Variants in ITSN2 observed in about 807,000 individuals in gnomAD.
The protein encoded by ITSN2 is intersectin 2, also known as intersectin-2.
In ITSN2, 156 loss-of-function variants were observed where a neutral mutation model predicts 243.7. That is an observed-to-expected ratio of 0.64 (90% confidence interval 0.56 to 0.73). ITSN2 has a LOEUF of 0.73. Ranked by LOEUF, ITSN2 falls within the 30% of genes least tolerant of loss-of-function variation. ITSN2 has a pLI of 0.00. For synonymous variants in ITSN2, 703 were observed against 699.9 expected, an observed-to-expected ratio of 1.00 and a Z score of -0.07; for missense variants, 1,801 against 1,996.1, an observed-to-expected ratio of 0.90 and a Z score of 1.86.
chr2:24,221,989 T>G (rs565903675), intron 29 of ITSN2, among the ~76,000 whole-genome samples: 23 of 152,144 alleles, frequency 1.5e-4, no homozygotes, highest in Non-Finnish European at 3.4e-4. Flanking sequence ...GCTCACACCT[T>G]TGGGAGTAAT....
intron 3 of ITSN2, 78 bp from the exon 4 acceptor site, chr2:24,313,601 A>C (rs914953648): frequency 2.2e-6 from 2 of 916,352 alleles, no homozygotes; most frequent in East Asian, 5.1e-5. Context: ...AATAATGGGT[A>C]TATGTTAATG....
At chr2:24,343,022 T>A (rs1481596988) in intron 1 of ITSN2, among the ~76,000 whole-genome samples, 2 of 148,552 alleles carry the variant, frequency 1.3e-5, no homozygotes, top group Non-Finnish European at 3.0e-5. Flanking sequence ...GTCTGTAAGA[T>A]GGGGGTTGCA....
At position 24,261,137 on chromosome 2, in the gene ITSN2, G is replaced by A. The variant is rs1294806839; in HGVS notation, c.2651C>T (p.Ser884Phe). The change falls in exon 22 of 40, where the codon TCC becomes TTC. Residue 884 changes from serine to phenylalanine, a missense_variant. By Grantham distance (155) the Ser-to-Phe change is radical. Transcript: ENST00000355123. The stretch of plus-strand genomic sequence containing the variant: ...ATGAATAGGTGATACAGATCCAGGG[G>A]ACACAGTTCGAGTGAAGGCTGATTT... ...QKKSAFTRTV[S>F]PGSVSPIHGQ... The A allele has an allele frequency of 2.5e-6, 4 of 1,613,882 alleles. No homozygotes were observed. Among genetic ancestry groups the A allele is most frequent in the Non-Finnish European group, 3.4e-6 (4 of 1,179,846 alleles).
intron 29 of ITSN2, among the ~76,000 whole-genome samples, chr2:24,230,489 T>G (rs1015664097): frequency 7.2e-5 from 11 of 152,166 alleles, no homozygotes; most frequent in African/African-American, 2.7e-4. Context: ...AACCCTTGGC[T>G]GGGTGCGGTG....
intron 1 of ITSN2, among the ~76,000 whole-genome samples, chr2:24,354,954 C>T (rs922342957): frequency 6.6e-6 from 1 of 152,160 alleles, no homozygotes; most frequent in African/African-American, 2.4e-5. Flanking sequence ...TTTAAGTGAA[C>T]CTTTTGAAAC....
intron 29 of ITSN2, among the ~76,000 whole-genome samples, chr2:24,223,926 T>C (rs955239856): frequency 1.3e-5 from 2 of 152,216 alleles, no homozygotes; most frequent in East Asian, 1.9e-4. Context: ...ATAATGCCAC[T>C]GTCATGTTCA....
intron 1 of ITSN2, among the ~76,000 whole-genome samples, chr2:24,333,980 C>T (rs1686066973): frequency 1.3e-5 from 2 of 152,202 alleles, no homozygotes; most frequent in Non-Finnish European, 2.9e-5. Flanking sequence ...ACCTCCACTT[C>T]CTGGGTTCAA....
At chr2:24,298,869 C>G in intron 12 of ITSN2, 55 bp from the exon 13 acceptor site, 2 of 1,507,922 alleles carry the variant, frequency 1.3e-6, no homozygotes, top group South Asian at 1.3e-5. Context: ...TTGCACGATT[C>G]AAAAACTGGG....
chr2:24,341,721 C>T (rs910555930), intron 1 of ITSN2, among the ~76,000 whole-genome samples: 2 of 152,146 alleles, frequency 1.3e-5, no homozygotes, highest in Middle Eastern at 3.4e-3. Context: ...ATTAAAAATA[C>T]AAAAATGCGC....
In ITSN2 at chr2:24,312,352, T is replaced by A; in HGVS notation, c.212A>T (p.Asp71Val). 1.2e-6 allele frequency: 2 copies of A among 1,611,748 alleles called. No homozygotes were observed. The highest frequency in any genetic ancestry group is 1.7e-6 in the Non-Finnish European group (2 of 1,178,720). The stretch of plus-strand genomic sequence containing the variant: ...GAACTCTTGCTGATCCATCTTCCCA[T>A]CCTTGTTTAGGTCTGATAAAGCCCT... ...EIWALSDLNK[D>V]GKMDQQEFSI... Residue 71 changes from aspartate (D) to valine (V), a missense_variant, in exon 5 of 40, where the codon GAT becomes GTT. This residue lies in a region of ITSN2 where 77 missense variants were observed against 90.1 expected (regional missense o/e 0.85). Transcript: ENST00000355123.
In ITSN2 at chr2:24,313,571, T is replaced by C. The variant is rs763159326; in HGVS notation, c.125-48A>G. 16 of 1,338,600 alleles carry C rather than the reference T, an allele frequency of 1.2e-5. No individual in the cohort carries two copies. In the East Asian group the frequency reaches 3.7e-4, roughly 31 times the overall value. 82.9% of individuals were successfully genotyped at this position (1,338,600 alleles called of 1,614,324 possible). On this transcript the variant is annotated intron_variant, in intron 3 of 39. Coordinates refer to ENST00000355123, the MANE Select transcript of ITSN2 (RefSeq NM_006277.3). Reference sequence around the variant, plus strand: ...CCAAGCAGCACATTAGTAAATGAAATTATTCCAATGCTTCTGAATAATAAT... The same window carrying C: ...CCAAGCAGCACATTAGTAAATGAAACTATTCCAATGCTTCTGAATAATAAT...
In ITSN2 at chr2:24,209,123, G is replaced by A; in HGVS notation, c.4572C>T (p.Leu1524=). The A allele has an allele frequency of 6.2e-7, 1 of 1,614,130 alleles. No individual in the cohort carries two copies. Among genetic ancestry groups the A allele is most frequent in the Non-Finnish European group, 8.5e-7 (1 of 1,179,988 alleles). Residue 1524 remains leucine, a synonymous_variant, in exon 36 of 40, where the codon CTC becomes CTT. Transcript: ENST00000355123. ...HISHIDRVYT[L]RTDNINERTA... ...ACCTCTCATTAATGTTGTCTGTTCG[G>A]AGGGTGTAGACCCGATCAATGTGGG... is the stretch of plus-strand genomic sequence containing the variant.
Position 24,249,255 on chromosome 2 carries a change from G to C in ITSN2, c.3121-373C>G, listed in dbSNP as rs914394842. 1.3e-4 allele frequency among the ~76,000 whole-genome samples: 20 copies of C among 152,164 alleles called. No homozygotes were observed. The highest frequency in any genetic ancestry group is 4.8e-4 in the African/African-American group (20 of 41,436). ...AACATATGTGTCCTGGATATGTCAA[G>C]GTATACGTTATTTTGCTCCTGCTTT... is the stretch of plus-strand genomic sequence containing the variant. On this transcript the variant is annotated intron_variant, in intron 25 of 39. Coordinates refer to ENST00000355123, the MANE Select transcript of ITSN2 (RefSeq NM_006277.3). The surrounding 1 kb of genome is among the most constrained non-coding windows in gnomAD (Gnocchi z 4.4).
At chr2:24,346,695 C>T (rs2551140) in intron 1 of ITSN2, among the ~76,000 whole-genome samples, 148,776 of 152,136 alleles carry the variant, frequency 0.98, 72,742 homozygotes, top group East Asian at 0.99. Context: ...CTCTGTTCTA[C>T]TCGCTCCATT....
chr2:24,284,737 A>C (rs1371577991), intron 17 of ITSN2, 26 bp downstream of exon 17: 1 of 1,373,350 alleles, frequency 7.3e-7, no homozygotes, highest in Non-Finnish European at 1.0e-6. Flanking sequence ...AACTCAAAGA[A>C]AAGAAGCTAG....
At chr2:24,239,435 CTA>C (rs1368984302) in intron 29 of ITSN2, 16 of 151,838 alleles carry the variant, frequency 1.1e-4, no homozygotes, top group African/African-American at 3.9e-4. Flanking sequence ...TTTAGAGAAA[CTA>C]TATTATGGAT....
intron 9 of ITSN2, 39 bp from the exon 10 acceptor site, chr2:24,302,141 AT>A: frequency 6.8e-7 from 1 of 1,466,130 alleles, no homozygotes; most frequent in Non-Finnish European, 9.3e-7. Flanking sequence ...AATAAAGTCT[AT>A]TTGGAGTAAA....
chr2:24,204,710 G>A lies in ITSN2; in HGVS notation c.4763-292C>T, dbSNP rs530104436. The A allele has an allele frequency of 1.0e-3, 580 of 560,138 alleles. No homozygotes were observed. The highest frequency in any genetic ancestry group is 1.7e-3 in the Non-Finnish European group (515 of 294,438). The allele number at this position is 560,138 out of a possible 1,614,324, so 34.7% of individuals were successfully genotyped here. A position where few individuals can be genotyped will look rare whatever the true frequency, so the allele number is the denominator to read the frequency against. On this transcript the variant is annotated intron_variant, in intron 38 of 39. Transcript: ENST00000355123. The surrounding 1 kb of genome is among the most constrained non-coding windows in gnomAD (Gnocchi z 5.1). Reference sequence around the variant, plus strand: ...GCAACCTGCTGCATGCTTCCTCGGCGCAGACACACTCGGGAAGGCGGGCAC... The same window carrying A: ...GCAACCTGCTGCATGCTTCCTCGGCACAGACACACTCGGGAAGGCGGGCAC...
chr2:24,278,040 G>A (rs1266744096), intron 17 of ITSN2, among the ~76,000 whole-genome samples: 1 of 152,166 alleles, frequency 6.6e-6, no homozygotes, highest in African/African-American at 2.4e-5. Flanking sequence ...TTATAGTGCA[G>A]AGCACCTAGG....
Sources: gnomAD v4.1 joint callset for allele counts (sites outside exome capture counted in the v4.1 genomes callset) on GRCh38, gnomAD v4.1.1 for gene constraint, gnomAD v4.1.1 regional missense constraint, Gnocchi (gnomAD v3.1) non-coding constraint, MANE v1.5 for transcripts, NCBI Gene and HGNC (gene_info 2026-07-23, HGNC 2026-07-21) for gene names.